Variants in SNX24 observed in about 807,000 individuals in gnomAD.
The protein encoded by SNX24 is sorting nexin-24.
In SNX24, 22 loss-of-function variants were observed where a neutral mutation model predicts 28.7. That is an observed-to-expected ratio of 0.77 (90% CI 0.55 to 1.10). The LOEUF (loss-of-function observed/expected upper bound fraction) is 1.10. Among genes scored for constraint, SNX24 ranks in the 50% least tolerant of loss-of-function variants. The pLI, the probability that SNX24 is intolerant of heterozygous loss-of-function variation, is 0.00. For synonymous variants in SNX24, 69 were observed against 71.5 expected (o/e 0.96, Z 0.18); for missense variants, 221 against 201.1 (o/e 1.10, Z -0.60).
chr5:122,940,020 C>G (rs1468411421), intron 2 of SNX24, among the ~76,000 whole-genome samples: 3 of 150,000 alleles, frequency 2.0e-5, no homozygotes, highest in Non-Finnish European at 4.4e-5. Flanking sequence ...GACAGAGTCT[C>G]GCTCTTTTGC....
chr5:122,882,606 C>T (rs906423378), intron 1 of SNX24, among the ~76,000 whole-genome samples: 1 of 152,154 alleles, frequency 6.6e-6, no homozygotes, highest in Admixed American at 6.5e-5. Flanking sequence ...CTTGAAACAT[C>T]CTGATTGTCA....
In SNX24 at chr5:122,911,909, T is replaced by C. The variant is rs1310361971; in HGVS notation, c.61-24825T>C. Among the ~76,000 whole-genome samples the C allele has an allele frequency of 4.0e-5, 6 of 148,950 alleles. No individual in the cohort carries two copies. The South Asian group carries it at 6.6e-4, about 16-fold the overall frequency. Reference sequence around the variant, plus strand: ...AGTTTGAAGTCAGGTAGCGTGATGCTTCCAGCTTTGTTCTTTTGGCTTAGG... The same window carrying C: ...AGTTTGAAGTCAGGTAGCGTGATGCCTCCAGCTTTGTTCTTTTGGCTTAGG... On this transcript the variant is annotated intron_variant, in intron 1 of 6. Coordinates refer to ENST00000261369, the MANE Select transcript of SNX24 (RefSeq NM_014035.4).
intron 5 of SNX24, among the ~76,000 whole-genome samples, chr5:123,017,315 C>T (rs1055306729): frequency 1.1e-4 from 17 of 152,200 alleles, no homozygotes; most frequent in African/African-American, 1.9e-4. Flanking sequence ...CTCACCTGCT[C>T]CGCTCATGTG....
At chr5:122,999,425 C>T (rs1226367149) in intron 3 of SNX24, among the ~76,000 whole-genome samples, 1 of 150,978 alleles carries the variant, frequency 6.6e-6, no homozygotes, top group Non-Finnish European at 1.5e-5. Flanking sequence ...TATCATATTT[C>T]CTAAATAGTA....
At chr5:122,971,024 C>T (rs1760936900) in intron 3 of SNX24, among the ~76,000 whole-genome samples, 1 of 152,142 alleles carries the variant, frequency 6.6e-6, no homozygotes, top group Non-Finnish European at 1.5e-5. Flanking sequence ...TGAAGTCTCA[C>T]GATAGGCTCT....
chr5:122,860,424 C>G (rs1755405014), intron 1 of SNX24, among the ~76,000 whole-genome samples: 1 of 152,134 alleles, frequency 6.6e-6, no homozygotes, highest in Admixed American at 6.5e-5. Context: ...GGCTCATGGT[C>G]CTAGCTCATA....
At chr5:122,981,348 T>C (rs1761385118) in intron 3 of SNX24, among the ~76,000 whole-genome samples, 1 of 152,222 alleles carries the variant, frequency 6.6e-6, no homozygotes, top group Admixed American at 6.5e-5. Context: ...TCTTCTAGTA[T>C]TTAGCCAAAT....
chr5:122,913,065 G>C (rs1187812663), intron 1 of SNX24, among the ~76,000 whole-genome samples: 1 of 152,178 alleles, frequency 6.6e-6, no homozygotes, highest in Non-Finnish European at 1.5e-5. Flanking sequence ...CAAGGCAGAA[G>C]AATTTTTCTT....
chr5:122,845,934 G>C (rs528652701), intron 1 of SNX24, among the ~76,000 whole-genome samples: 1 of 151,974 alleles, frequency 6.6e-6, no homozygotes, highest in Non-Finnish European at 1.5e-5. Flanking sequence ...CCTCCCGGAC[G>C]AGCTGCAGTC....
At chr5:122,987,216 G>A (rs1020938825) in intron 3 of SNX24, among the ~76,000 whole-genome samples, 1 of 152,096 alleles carries the variant, frequency 6.6e-6, no homozygotes, top group African/African-American at 2.4e-5. Flanking sequence ...TTGAAAATGG[G>A]TAAAGGCTGA....
intron 3 of SNX24, among the ~76,000 whole-genome samples, chr5:122,971,159 T>G (rs1418134809): frequency 6.6e-6 from 1 of 152,130 alleles, no homozygotes; most frequent in Non-Finnish European, 1.5e-5. Context: ...TGGTGTAACT[T>G]TAAGAGTCCA....
chr5:122,850,953 A>T (rs1754891609), intron 1 of SNX24, among the ~76,000 whole-genome samples: 1 of 152,120 alleles, frequency 6.6e-6, no homozygotes. Context: ...AAGATGCTTT[A>T]CAAGAAAGAA....
chr5:122,933,695 C>A (rs1332440152), intron 1 of SNX24, among the ~76,000 whole-genome samples: 15 of 152,082 alleles, frequency 9.9e-5, no homozygotes, highest in Admixed American at 9.8e-4. Flanking sequence ...CCAGAAGAGA[C>A]CTTGGTTTTC....
At chr5:122,929,759 T>C (rs1205185220) in intron 1 of SNX24, among the ~76,000 whole-genome samples, 1 of 152,068 alleles carries the variant, frequency 6.6e-6, no homozygotes, top group Non-Finnish European at 1.5e-5. Context: ...TTCTTGGAGC[T>C]CTCTGGCTTT....
intron 1 of SNX24, among the ~76,000 whole-genome samples, chr5:122,877,941 G>T (rs1190392991): frequency 6.6e-6 from 1 of 152,016 alleles, no homozygotes; most frequent in African/African-American, 2.4e-5. Flanking sequence ...CACTACACAT[G>T]CCGGATGTCC....
intron 1 of SNX24, among the ~76,000 whole-genome samples, chr5:122,886,257 C>G (rs1194012722): frequency 6.6e-6 from 1 of 152,116 alleles, no homozygotes; most frequent in Non-Finnish European, 1.5e-5. Context: ...TTGCAAATAC[C>G]TATGGAATAC....
At chr5:122,952,468 A>G (rs1759989184) in intron 3 of SNX24, among the ~76,000 whole-genome samples, 1 of 152,156 alleles carries the variant, frequency 6.6e-6, no homozygotes, top group Non-Finnish European at 1.5e-5. Context: ...AGCCCACCTG[A>G]CTGCGCGCTC....
intron 1 of SNX24, among the ~76,000 whole-genome samples, chr5:122,867,817 T>C (rs1354317573): frequency 6.6e-6 from 1 of 152,206 alleles, no homozygotes; most frequent in Non-Finnish European, 1.5e-5. Flanking sequence ...AGGTCTTCCA[T>C]GTAGGTATTC....
intron 3 of SNX24, among the ~76,000 whole-genome samples, chr5:122,969,067 C>A (rs774615379): frequency 3.5e-4 from 53 of 152,032 alleles, no homozygotes; most frequent in Non-Finnish European, 6.6e-4. Context: ...ATGGAACCTC[C>A]TACTCTAGGT....
Sources: gnomAD v4.1 joint callset for allele counts (sites outside exome capture counted in the v4.1 genomes callset) on GRCh38, gnomAD v4.1.1 for gene constraint, MANE v1.5 for transcripts, NCBI Gene and HGNC (gene_info 2026-07-23, HGNC 2026-07-21) for gene names.